Variants in CDK19 observed in about 807,000 individuals in gnomAD.
CDK19 encodes cyclin-dependent kinase 19.
A neutral mutation model predicts 68.3 loss-of-function variants in CDK19; 20 were observed. The observed-to-expected ratio is 0.29, with a 90% confidence interval of 0.21 to 0.43. The LOEUF is 0.43. CDK19 is among the 20% of genes least tolerant of loss of function. CDK19 has a pLI of 1.00. For missense variants in CDK19, 339 were observed against 623.5 expected (o/e 0.54, Z 4.86); for synonymous variants, 221 against 222.8 (o/e 0.99, Z 0.07).
intron 1 of CDK19, among the ~76,000 whole-genome samples, chr6:110,750,319 ACT>A (rs1778388662): frequency 1.2e-4 from 13 of 109,368 alleles, no homozygotes; most frequent in Non-Finnish European, 2.1e-4. Context: ...TAATCTGTTC[ACT>A]TCAGTGATGA....
Position 110,746,209 on chromosome 6 carries a change from T to C in CDK19, c.129-8A>G, listed in dbSNP as rs570504443. On this transcript the variant is annotated splice_region_variant and splice_polypyrimidine_tract_variant and intron_variant, in intron 1 of 12. Transcript: ENST00000368911. Reference sequence around the variant, plus strand: ...TATTCCTTTTCATCTTTTCTGCACATAAACAAAAAAACATCATTTTTCCAT... The same window carrying C: ...TATTCCTTTTCATCTTTTCTGCACACAAACAAAAAAACATCATTTTTCCAT... 1.1e-4 allele frequency: 176 copies of C among 1,566,928 alleles called. 1 individual carries two copies. The South Asian group carries it at 1.8e-3, about 16-fold the overall frequency.
At chr6:110,765,897 T>C (rs1231539063) in intron 1 of CDK19, among the ~76,000 whole-genome samples, 2 of 152,066 alleles carry the variant, frequency 1.3e-5, no homozygotes, top group South Asian at 2.1e-4. Context: ...CCCAATGATA[T>C]ATATCATCTC....
chr6:110,705,988 A>G (rs1404294646), intron 2 of CDK19, among the ~76,000 whole-genome samples: 3 of 152,114 alleles, frequency 2.0e-5, no homozygotes, highest in Non-Finnish European at 4.4e-5. Context: ...CCAGAACTTA[A>G]AGTATAATAA....
At chr6:110,815,517 G>T (rs1035973056), upstream of CDK19, 2 of 165,142 alleles carry the variant, frequency 1.2e-5, no homozygotes, top group Non-Finnish European at 2.6e-5. Context: ...AGTCGCGAAG[G>T]CCTCAGCGGC....
rs80162219 is a variant in CDK19, at chr6:110,634,647, T to A, written c.515-2486A>T. Among the ~76,000 whole-genome samples, 309 of 152,358 alleles carry A rather than the reference T, an allele frequency of 2.0e-3. 6 individuals are homozygous for A. In the East Asian group the frequency reaches 0.048, roughly 24 times the overall value. On this transcript the variant is annotated intron_variant, in intron 5 of 12. Coordinates refer to ENST00000368911, the MANE Select transcript of CDK19 (RefSeq NM_015076.5). ...GTGCTGATACCTACTCTTTTTAAAC[T>A]ACATTTCCCTACAGCAAACAAAAAT... is the stretch of plus-strand genomic sequence containing the variant.
At chr6:110,614,728 C>T (rs574176309) in intron 12 of CDK19, 62 bp from the exon 13 acceptor site, 218 of 1,563,156 alleles carry the variant, frequency 1.4e-4, no homozygotes, top group Middle Eastern at 1.3e-3. Context: ...TCAAGATGCT[C>T]ATCACAGTAG....
chr6:110,645,836 G>A, intron 4 of CDK19: 2 of 616,472 alleles, frequency 3.2e-6, no homozygotes, highest in Non-Finnish European at 5.9e-6. Flanking sequence ...ACGACGCGCC[G>A]CGCTTCCTCC....
At chr6:110,789,267 A>T (rs910331430) in intron 1 of CDK19, among the ~76,000 whole-genome samples, 3 of 151,866 alleles carry the variant, frequency 2.0e-5, no homozygotes, top group Admixed American at 1.3e-4. Flanking sequence ...TCTGTGCCTA[A>T]GTTTTGATAA....
At chr6:110,627,993 T>G (rs1228686139) in intron 6 of CDK19, among the ~76,000 whole-genome samples, 1 of 152,078 alleles carries the variant, frequency 6.6e-6, no homozygotes, top group Non-Finnish European at 1.5e-5. Context: ...GCGGATCACT[T>G]GAGGTCAGGA....
Position 110,730,806 on chromosome 6 carries a change from C to G in CDK19, c.204+15320G>C, listed in dbSNP as rs534126864. Among the ~76,000 whole-genome samples, 8 of 152,284 alleles carry G rather than the reference C, an allele frequency of 5.3e-5. No homozygotes were observed. In the East Asian group the frequency reaches 1.5e-3, roughly 29 times the overall value. On this transcript the variant is annotated intron_variant, in intron 2 of 12. Coordinates refer to ENST00000368911, the MANE Select transcript of CDK19 (RefSeq NM_015076.5). The stretch of plus-strand genomic sequence containing the variant: ...GTGGCTCACACCTGTAATCCCAGCA[C>G]TTTGGGAGGCCAAGGCAGGCCTATT...
At chr6:110,798,969 C>A (rs374269467) in intron 1 of CDK19, among the ~76,000 whole-genome samples, 1 of 151,302 alleles carries the variant, frequency 6.6e-6, no homozygotes, top group African/African-American at 2.4e-5. Flanking sequence ...ATGGCAAAAC[C>A]CTGTCTCTAC....
intron 2 of CDK19, among the ~76,000 whole-genome samples, chr6:110,702,809 G>A (rs1022035702): frequency 8.6e-5 from 13 of 152,046 alleles, no homozygotes; most frequent in Admixed American, 2.0e-4. Context: ...CACAAAAAAC[G>A]TCATTATAAG....
At chr6:110,801,910 T>C (rs915889209) in intron 1 of CDK19, among the ~76,000 whole-genome samples, 5 of 152,090 alleles carry the variant, frequency 3.3e-5, no homozygotes, top group African/African-American at 1.2e-4. Flanking sequence ...GACATACAAG[T>C]AGCGAAAAAA....
At chr6:110,697,145 G>A (rs1242086039) in intron 2 of CDK19, among the ~76,000 whole-genome samples, 9 of 151,864 alleles carry the variant, frequency 5.9e-5, no homozygotes, top group Admixed American at 2.6e-4. Context: ...AGGCAGAATT[G>A]CTTGAACCCG....
At chr6:110,765,374 A>G (rs1288276149) in intron 1 of CDK19, among the ~76,000 whole-genome samples, 1 of 149,230 alleles carries the variant, frequency 6.7e-6, no homozygotes, top group African/African-American at 2.5e-5. Context: ...GTGAGAATCC[A>G]TATCAACGAA....
intron 2 of CDK19, among the ~76,000 whole-genome samples, chr6:110,681,609 T>C (rs1036292983): frequency 6.6e-6 from 1 of 152,194 alleles, no homozygotes. Flanking sequence ...TGAAAGGAGA[T>C]GGCCATACTT....
At chr6:110,791,417 T>C (rs193068023) in intron 1 of CDK19, among the ~76,000 whole-genome samples, 22 of 152,094 alleles carry the variant, frequency 1.4e-4, no homozygotes, top group African/African-American at 4.3e-4. Flanking sequence ...ATGGTATAGA[T>C]TTTCTTTAGG....
intron 2 of CDK19, among the ~76,000 whole-genome samples, chr6:110,709,329 T>C (rs1774759855): frequency 6.6e-6 from 1 of 151,950 alleles, no homozygotes; most frequent in Admixed American, 6.6e-5. Flanking sequence ...TGGAACAGAA[T>C]AGAAGCCTCA....
rs1275389842 is a variant in CDK19 at position 110,759,428 on chromosome 6, A to AAAAAAAAAT, written c.129-13228_129-13227insATTTTTTTT. 1.4e-4 allele frequency among the ~76,000 whole-genome samples: 7 copies of AAAAAAAAAT among 50,908 alleles called. No individual in the cohort carries two copies. The East Asian group carries it at 5.8e-3, about 42-fold the overall frequency. The allele number at this position is 50,908 out of a possible 152,430, so 33.4% of individuals were successfully genotyped here. ...TTAAAAAAAAAAAAAAAAAAAAAAAAATATATATATATATATATATATAAA... is the reference window on the plus strand; with the variant it reads ...TTAAAAAAAAAAAAAAAAAAAAAAAAAAAAAAAATATATATATATATATATATATATAAA... On this transcript the variant is annotated intron_variant, in intron 1 of 12. Transcript: ENST00000368911.
Sources: allele counts gnomAD v4.1 joint callset (sites outside exome capture counted in the v4.1 genomes callset), GRCh38; gene constraint gnomAD v4.1.1; transcripts MANE v1.5; gene names NCBI Gene and HGNC (gene_info 2026-07-23, HGNC 2026-07-21).